OTUD5: variants seen among roughly 807,000 people sequenced by gnomAD.
OTUD5 encodes OTU deubiquitinase 5.
OTUD5 carries 2 observed loss-of-function variants against 36.3 expected under a neutral mutation model. The observed-to-expected ratio is 0.06, with a 90% CI of 0.02 to 0.17. OTUD5 has a LOEUF of 0.17. OTUD5 is among the 10% of genes least tolerant of loss of function. The pLI is 1.00. For synonymous variants in OTUD5, 234 were observed against 214.9 expected, an observed-to-expected ratio of 1.09 and a Z score of -0.78; for missense variants, 233 against 512.3, an observed-to-expected ratio of 0.45 and a Z score of 5.26.
intron 1 of OTUD5, among the ~76,000 whole-genome samples, chrX:48,950,807 C>T (rs1602427334): frequency 9.1e-6 from 1 of 109,993 alleles, no homozygotes; most frequent in Non-Finnish European, 1.9e-5. Flanking sequence ...CGTGATCCAC[C>T]CGCCTCGGCC....
In OTUD5 at chrX:48,942,200, T is replaced by C. The variant is rs1175056156; in HGVS notation, c.688+1990A>G. On this transcript the variant is annotated intron_variant, in intron 2 of 8. Coordinates refer to ENST00000376488, the MANE Select transcript of OTUD5 (RefSeq NM_001136157.2). ...GGTCCTCACTAGCTAGCCCCAAGGG[T>C]CGGGGGTATTTGGGGAGAACAGCTA... is the stretch of plus-strand genomic sequence containing the variant. 2.8e-4 allele frequency among the ~76,000 whole-genome samples: 26 copies of C among 93,694 alleles called. No homozygotes were observed. The Admixed American group carries it at 2.9e-3, about 10-fold the overall frequency. The allele number at this position is 93,694 out of a possible 115,157, so 81.4% of individuals were successfully genotyped here.
intron 1 of OTUD5, among the ~76,000 whole-genome samples, chrX:48,945,318 C>T (rs1030992210): frequency 3.0e-5 from 3 of 101,111 alleles, no homozygotes; most frequent in Non-Finnish European, 4.0e-5. Flanking sequence ...TTGCCCAGGC[C>T]GGAGTGCAGT....
At chrX:48,937,901 T>C (rs781816478) in intron 2 of OTUD5, among the ~76,000 whole-genome samples, 7 of 112,115 alleles carry the variant, frequency 6.2e-5, no homozygotes, top group Non-Finnish European at 1.3e-4. Flanking sequence ...TTGCAATTCC[T>C]CAGCCAGAGG....
intron 2 of OTUD5, among the ~76,000 whole-genome samples, chrX:48,937,856 G>A (rs1432117673): frequency 8.9e-6 from 1 of 111,845 alleles, no homozygotes; most frequent in Non-Finnish European, 1.9e-5. Context: ...CCAGAATGTT[G>A]CCATAACCAC....
intron 6 of OTUD5, 44 bp from the exon 7 acceptor site, chrX:48,924,096 T>C (rs1171150261): frequency 9.0e-7 from 1 of 1,115,206 alleles, no homozygotes; most frequent in East Asian, 3.2e-5. Flanking sequence ...CCAGCAGCCA[T>C]GACCTTCTTG....
intron 5 of OTUD5, among the ~76,000 whole-genome samples, chrX:48,932,846 G>A (rs1168208960): frequency 3.6e-5 from 4 of 110,315 alleles, no homozygotes; most frequent in African/African-American, 1.3e-4. Context: ...CGGGCATGGT[G>A]GCGAGCACCT....
chrX:48,954,444 C>T (rs886444625), intron 1 of OTUD5, among the ~76,000 whole-genome samples: 1 of 111,320 alleles, frequency 9.0e-6, no homozygotes, highest in Admixed American at 9.5e-5. Context: ...GGATGTTTTT[C>T]CTCTGTCCCT....
Position 48,957,492 on chromosome X carries a change from G to A in OTUD5, c.79C>T (p.Pro27Ser), listed in dbSNP as rs1381985628. 4 of 834,144 alleles carry A rather than the reference G, an allele frequency of 4.8e-6. No homozygotes were observed. Among genetic ancestry groups the A allele is most frequent in the Non-Finnish European group, 5.8e-6 (4 of 683,871 alleles). 68.7% of individuals were successfully genotyped at this position (834,144 alleles called of 1,213,427 possible). The stretch of plus-strand genomic sequence containing the variant: ...CCTCCGCCGCGCCGCGGCGCCGGGG[G>A]CATCGGCCCGGGCGGCGGCGGCTCG... ...ANEPPPPGPMPPAPRRGGGVG... is the reference protein window; with the variant it reads ...ANEPPPPGPMSPAPRRGGGVG... The change falls in exon 1 of 9, where the codon CCC becomes TCC. Residue 27 changes from proline (P) to serine (S), a missense_variant. Physicochemically the swap from Pro to Ser is moderately conservative, Grantham distance 74 (BLOSUM62 -1). This residue lies in a region of OTUD5 where 155 missense variants were observed against 217.2 expected (regional missense o/e 0.71). Coordinates refer to ENST00000376488, the MANE Select transcript of OTUD5 (RefSeq NM_001136157.2).
Position 48,925,840 on chromosome X carries a change from G to A in OTUD5, c.1263+7C>T. 8.3e-7 allele frequency: 1 copy of A among 1,200,572 alleles called. No individual in the cohort carries two copies. Among genetic ancestry groups the A allele is most frequent in the Non-Finnish European group, 1.1e-6 (1 of 887,634 alleles). ...TGGCCAAGCCTGTGACAGAGTCCAT[G>A]ACCCACCTGGCTGGGGCCTCGGACC... On this transcript the variant is annotated splice_region_variant and intron_variant, in intron 6 of 8. Coordinates refer to ENST00000376488, the MANE Select transcript of OTUD5 (RefSeq NM_001136157.2).
At chrX:48,947,903 G>A (rs1008705418) in intron 1 of OTUD5, among the ~76,000 whole-genome samples, 1 of 111,524 alleles carries the variant, frequency 9.0e-6, no homozygotes, top group Admixed American at 9.5e-5. Context: ...TAAAGTTCTG[G>A]GTAGTACTAG....
intron 2 of OTUD5, among the ~76,000 whole-genome samples, chrX:48,939,090 TCTTA>T (rs781877667): frequency 9.0e-6 from 1 of 111,469 alleles, no homozygotes; most frequent in East Asian, 2.8e-4. Flanking sequence ...ACCAAAACAC[TCTTA>T]CTTTACCCAG....
At chrX:48,930,083 G>A (rs372847636) in intron 5 of OTUD5, among the ~76,000 whole-genome samples, 48 of 110,912 alleles carry the variant, frequency 4.3e-4, no homozygotes, top group Middle Eastern at 4.6e-3. Context: ...CAGCCTGGGC[G>A]ACAGAGCGAG....
chrX:48,945,266 C>CTTTTTTTT (rs139382090), intron 1 of OTUD5, among the ~76,000 whole-genome samples: 3 of 73,272 alleles, frequency 4.1e-5, no homozygotes, highest in African/African-American at 5.7e-5. Context: ...AAAATCAAGT[C>CTTTTTTTT]TTTTTTTTTT....
intron 5 of OTUD5, among the ~76,000 whole-genome samples, chrX:48,927,782 T>C (rs781790154): frequency 9.0e-6 from 1 of 111,446 alleles, no homozygotes; most frequent in South Asian, 3.8e-4. Context: ...TCAGCCTCTC[T>C]CCCCTCCCCA....
chrX:48,954,151 G>A (rs950688605), intron 1 of OTUD5, among the ~76,000 whole-genome samples: 1 of 110,554 alleles, frequency 9.0e-6, no homozygotes, highest in Non-Finnish European at 1.9e-5. Flanking sequence ...TAGTAAAGAT[G>A]AGGTCTCGCT....
rs1414574634 is a variant in OTUD5, at chrX:48,922,885, A to G, written c.*289T>C. On this transcript the variant is annotated 3_prime_UTR_variant, in exon 9 of 9. Transcript: ENST00000376488. The stretch of plus-strand genomic sequence containing the variant: ...GTCTGTCTCTGTGTGCCTCTTGTCT[A>G]TCTTCGGCACCCTTGCCCGAGTCCC... The G allele has an allele frequency of 3.3e-6, 3 of 919,874 alleles. No individual in the cohort carries two copies. The highest frequency in any genetic ancestry group is 5.7e-5 in the East Asian group (1 of 17,608). The allele number at this position is 919,874 out of a possible 1,213,427, so 75.8% of individuals were successfully genotyped here.
chrX:48,945,033 A>G (rs782686708), intron 1 of OTUD5, among the ~76,000 whole-genome samples: 2 of 109,830 alleles, frequency 1.8e-5, no homozygotes, highest in East Asian at 2.8e-4. Context: ...CAAAAAAAAA[A>G]AAAAGAGATA....
chrX:48,948,460 C>G (rs1287330986), intron 1 of OTUD5, among the ~76,000 whole-genome samples: 1 of 112,428 alleles, frequency 8.9e-6, no homozygotes, highest in Middle Eastern at 4.2e-3. Flanking sequence ...ACAGGGAAGG[C>G]CCCCACGAGC....
At chrX:48,956,664 C>T (rs1258594053) in intron 1 of OTUD5, among the ~76,000 whole-genome samples, 14 of 111,232 alleles carry the variant, frequency 1.3e-4, no homozygotes, top group Admixed American at 4.8e-4. Flanking sequence ...GGGCGCGATC[C>T]TACCTGTATC....
Sources: allele counts gnomAD v4.1 joint callset (sites outside exome capture counted in the v4.1 genomes callset), GRCh38; gene constraint gnomAD v4.1.1; regional missense constraint gnomAD v4.1.1; transcripts MANE v1.5; gene names NCBI Gene and HGNC (gene_info 2026-07-23, HGNC 2026-07-21).